The following ZHX1 variants were observed in gnomAD, a reference collection of about 807,000 sequenced individuals.
The protein encoded by ZHX1 is zinc fingers and homeoboxes protein 1.
ZHX1 carries 20 observed loss-of-function variants against 61.8 expected under a neutral mutation model. The ratio of observed to expected loss-of-function variants is 0.32; its 90% CI spans 0.23 to 0.47. ZHX1 has a LOEUF of 0.47. ZHX1 is among the 20% of genes least tolerant of loss of function. The pLI is 1.00. For missense variants in ZHX1, 800 were observed against 1,034.8 expected, an observed-to-expected ratio of 0.77 and a Z score of 3.11; for synonymous variants, 318 against 352.6, an observed-to-expected ratio of 0.90 and a Z score of 1.10.
chr8:123,271,442 G>A (rs543233919), intron 1 of ZHX1, among the ~76,000 whole-genome samples: 117 of 152,126 alleles, frequency 7.7e-4, no homozygotes, highest in African/African-American at 2.7e-3. Flanking sequence ...TAAAAACTAG[G>A]TGCTGAACTT....
rs545626118 is a variant in ZHX1 at position 123,263,629 on chromosome 8, C to T, written c.-226+3644G>A. On this transcript the variant is annotated intron_variant, in intron 2 of 3. Coordinates refer to ENST00000395571, the MANE Select transcript of ZHX1 (RefSeq NM_007222.5). ...GGCAGATCAATTGAGGTCAGAAGTT[C>T]GAGACCAACCTGGTCAACGTGGTAA... is the stretch of plus-strand genomic sequence containing the variant. 1.2e-4 allele frequency among the ~76,000 whole-genome samples: 18 copies of T among 152,096 alleles called. 2 individuals are homozygous for T. In the East Asian group the frequency reaches 2.3e-3, roughly 20 times the overall value.
intron 2 of ZHX1, among the ~76,000 whole-genome samples, chr8:123,258,717 G>T (rs779007024): frequency 2.6e-5 from 4 of 152,068 alleles, no homozygotes; most frequent in African/African-American, 4.8e-5. Context: ...AACAGTATCT[G>T]AAATTCACAA....
intron 1 of ZHX1, among the ~76,000 whole-genome samples, chr8:123,268,739 G>A (rs911326778): frequency 2.0e-5 from 3 of 152,168 alleles, no homozygotes; most frequent in Non-Finnish European, 4.4e-5. Flanking sequence ...TGATCTGCCC[G>A]CCTTGGCCTC....
chr8:123,271,477 T>A (rs1042601547), intron 1 of ZHX1, among the ~76,000 whole-genome samples: 5 of 152,278 alleles, frequency 3.3e-5, no homozygotes, highest in East Asian at 1.9e-4. Context: ...TTAAGTAAAG[T>A]CTTTGGGCCC....
chr8:123,274,539 G>GCTACT (rs1331416847), upstream of ZHX1: 2 of 152,208 alleles, frequency 1.3e-5, no homozygotes, highest in African/African-American at 2.4e-5. Context: ...CCCAGACCCT[G>GCTACT]CTACTCCACT....
At position 123,254,427 on chromosome 8, in the gene ZHX1, T is replaced by C; in HGVS notation, c.1520A>G (p.Glu507Gly). Reference protein sequence around the residue: ...LMKITGLTKGEIKKWFSDTRY... With the variant: ...LMKITGLTKGGIKKWFSDTRY... ...TGTGTCACTAAACCATTTTTTAATC[T>C]CTCCTTTCGTCAGGCCTGTTATTTT... Residue 507 changes from glutamate (E) to glycine (G), a missense_variant, in exon 3 of 4, where the codon GAG becomes GGG. Glu to Gly is a moderately conservative substitution (Grantham distance 98, BLOSUM62 -2). Coordinates refer to ENST00000395571, the MANE Select transcript of ZHX1 (RefSeq NM_007222.5). The surrounding 1 kb of genome is among the most constrained non-coding windows in gnomAD (Gnocchi z 4.1). The C allele has an allele frequency of 1.2e-6, 2 of 1,614,176 alleles. No homozygotes were observed. Among genetic ancestry groups the C allele is most frequent in the African/African-American group, 1.3e-5 (1 of 75,040 alleles).
At position 123,254,769 on chromosome 8, in the gene ZHX1, T is replaced by G. The variant is rs1191016239; in HGVS notation, c.1178A>C (p.Gln393Pro). Residue 393 changes from glutamine (Q) to proline (P), a missense_variant, in exon 3 of 4, where the codon CAG becomes CCG. Physicochemically the swap from Gln to Pro is moderately conservative, Grantham distance 76 (BLOSUM62 -1). Coordinates refer to ENST00000395571, the MANE Select transcript of ZHX1 (RefSeq NM_007222.5). The surrounding 1 kb of genome is among the most constrained non-coding windows in gnomAD (Gnocchi z 4.1). ...CACTTGAGTAAGGACCAGACCAGGC[T>G]GACCAACTATTTGGCATGTCTGTAA... ...SILQTCQIVG[Q>P]PGLVLTQVAG... The G allele has an allele frequency of 1.2e-6, 2 of 1,614,088 alleles. No individual in the cohort carries two copies. The highest frequency in any genetic ancestry group is 1.7e-6 in the Non-Finnish European group (2 of 1,180,044).
At chr8:123,270,280 AAAAGG>A (rs1826601900) in intron 1 of ZHX1, among the ~76,000 whole-genome samples, 1 of 152,184 alleles carries the variant, frequency 6.6e-6, no homozygotes, top group South Asian at 2.1e-4. Flanking sequence ...TAAAAAACAA[AAAAGG>A]AAAAGACTTT....
At chr8:123,271,823 A>G (rs1826663831) in intron 1 of ZHX1, among the ~76,000 whole-genome samples, 1 of 152,222 alleles carries the variant, frequency 6.6e-6, no homozygotes, top group African/African-American at 2.4e-5. Context: ...AAGGTGAAAT[A>G]ATTGCTACAT....
rs1408325726 is a variant in ZHX1, at chr8:123,249,474, G to T, written c.*850C>A. 6.6e-6 allele frequency: 1 copy of T among 152,090 alleles called. No homozygotes were observed. The highest frequency in any genetic ancestry group is 1.5e-5 in the Non-Finnish European group (1 of 67,974). 9.4% of individuals were successfully genotyped at this position (152,090 alleles called of 1,614,324 possible). A position where few individuals can be genotyped will look rare whatever the true frequency, so the allele number is the denominator to read the frequency against. On this transcript the variant is annotated 3_prime_UTR_variant, in exon 4 of 4. Coordinates refer to ENST00000395571, the MANE Select transcript of ZHX1 (RefSeq NM_007222.5). ...ATAAACATTTCTGATTTCCACGATT[G>T]TAAGAAAACACTAAGTATACATTTA...
Position 123,255,187 on chromosome 8 carries a change from C to G in ZHX1, c.760G>C (p.Ala254Pro). The G allele has an allele frequency of 6.2e-7, 1 of 1,614,152 alleles. No individual in the cohort carries two copies. The highest frequency in any genetic ancestry group is 8.5e-7 in the Non-Finnish European group (1 of 1,179,996). The change falls in exon 3 of 4, where the codon GCA becomes CCA. Residue 254 changes from alanine to proline, a missense_variant. Physicochemically the swap from Ala to Pro is conservative, Grantham distance 27. Coordinates refer to ENST00000395571, the MANE Select transcript of ZHX1 (RefSeq NM_007222.5). The part of the protein sequence containing the change: ...PSTASTVVTP[A>P]AVLPGLAQVI... Reference sequence around the variant, plus strand: ...TGTGCCAATCCAGGAAGAACTGCTGCTGGTGTCACTACCGTGCTGGCAGTA... The same window carrying G: ...TGTGCCAATCCAGGAAGAACTGCTGGTGGTGTCACTACCGTGCTGGCAGTA...
chr8:123,264,332 T>A (rs1232738112), intron 2 of ZHX1, among the ~76,000 whole-genome samples: 2 of 152,166 alleles, frequency 1.3e-5, no homozygotes, highest in African/African-American at 4.8e-5. Flanking sequence ...GTCCTCAATG[T>A]AATACACTAT....
intron 2 of ZHX1, among the ~76,000 whole-genome samples, chr8:123,261,346 G>C (rs1007027187): frequency 2.0e-5 from 3 of 152,204 alleles, no homozygotes; most frequent in Non-Finnish European, 4.4e-5. Context: ...AAGTCATTGT[G>C]AATAGGGTAA....
intron 3 of ZHX1, chr8:123,253,088 C>A (rs921682543): frequency 5.2e-6 from 2 of 386,652 alleles, no homozygotes; most frequent in Non-Finnish European, 9.1e-6. Flanking sequence ...GTAAAAAAAA[C>A]CCAATTCATA....
At chr8:123,270,887 GT>G (rs1026017016) in intron 1 of ZHX1, among the ~76,000 whole-genome samples, 1 of 151,190 alleles carries the variant, frequency 6.6e-6, no homozygotes, top group Admixed American at 6.6e-5. Context: ...CATCACATTT[GT>G]TTAGACCAAA....
chr8:123,254,328 A>T lies in ZHX1; in HGVS notation c.1619T>A (p.Ile540Lys). The change falls in exon 3 of 4, where the codon ATA (isoleucine) becomes AAA (lysine). Residue 540 changes from isoleucine (I) to lysine (K), a missense_variant. Coordinates refer to ENST00000395571, the MANE Select transcript of ZHX1 (RefSeq NM_007222.5). The surrounding 1 kb of genome is among the most constrained non-coding windows in gnomAD (Gnocchi z 4.1). The stretch of plus-strand genomic sequence containing the variant: ...TTCCGTGGTTTCATCACTGGAGTCT[A>T]TAATAATGGTGGTAGAGGAATCATT... ...LNNDSSTTII[I>K]DSSDETTESP... 3.1e-6 allele frequency: 5 copies of T among 1,614,148 alleles called. No individual in the cohort carries two copies. The highest frequency in any genetic ancestry group is 3.4e-6 in the Non-Finnish European group (4 of 1,180,010).
chr8:123,253,391 T>C lies in ZHX1; in HGVS notation c.2556A>G (p.Thr852=). 1 of 1,613,942 alleles carries C rather than the reference T, an allele frequency of 6.2e-7. No individual in the cohort carries two copies. The highest frequency in any genetic ancestry group is 8.5e-7 in the Non-Finnish European group (1 of 1,180,000). Residue 852 remains threonine, a synonymous_variant, in exon 3 of 4, where the codon ACA becomes ACG. Transcript: ENST00000395571. ...GAGGTTCCCAAGTGTCACTATCATC[T>C]GTTTCTTCTTCATCCTCTTCCTGGT... ...IDDQEEDEEE[T]DDSDTWEPPR...
At chr8:123,265,189 CAAAA>C (rs34237102) in intron 2 of ZHX1, among the ~76,000 whole-genome samples, 1 of 99,616 alleles carries the variant, frequency 1.0e-5, no homozygotes, top group African/African-American at 3.8e-5. Flanking sequence ...AACTCTGTCT[CAAAA>C]AAAAAAAAAA....
intron 2 of ZHX1, among the ~76,000 whole-genome samples, chr8:123,263,451 A>G (rs1444726540): frequency 6.6e-6 from 1 of 152,186 alleles, no homozygotes; most frequent in Non-Finnish European, 1.5e-5. Context: ...TTCTTCTTTT[A>G]TGATCAGAAA....
Sources: gnomAD v4.1 joint callset for allele counts (sites outside exome capture counted in the v4.1 genomes callset) on GRCh38, gnomAD v4.1.1 for gene constraint, Gnocchi (gnomAD v3.1) non-coding constraint, MANE v1.5 for transcripts, NCBI Gene and HGNC (gene_info 2026-07-23, HGNC 2026-07-21) for gene names.